The following AGR2 variants were observed in gnomAD, a reference collection of about 807,000 sequenced individuals.
AGR2 encodes anterior gradient 2, protein disulphide isomerase family member, also known as anterior gradient protein 2 homolog.
A neutral mutation model predicts 25.9 loss-of-function variants in AGR2; 27 were observed. That is an observed-to-expected ratio of 1.04 (90% CI 0.77 to 1.44). The LOEUF (loss-of-function observed/expected upper bound fraction) is 1.44. AGR2 is among the 40% of genes most tolerant of loss of function. The pLI is 0.00. For synonymous variants in AGR2, 78 were observed against 72.0 expected (o/e 1.08, Z -0.42); for missense variants, 182 against 200.9 (o/e 0.91, Z 0.57).
Position 16,801,164 on chromosome 7 carries a change from G to T in AGR2, c.243C>A (p.Cys81Ter). The stretch of plus-strand genomic sequence containing the variant: ...AGAATAAATTACCTTGACTGTGTGG[G>T]CACTCATCCAAGTGATGAATAATCA... Reference protein sequence around the residue: ...PLMIIHHLDECPHSQALKKVF... With the variant: ...PLMIIHHLDE The change falls in exon 4 of 8, where the codon TGC (cysteine) becomes TGA (stop). Residue 81 changes from cysteine (C) to a stop codon, truncating the protein, a stop_gained. Coordinates refer to ENST00000419304, the MANE Select transcript of AGR2 (RefSeq NM_006408.4). LOFTEE classifies it high-confidence loss of function. The T allele has an allele frequency of 6.2e-7, 1 of 1,613,606 alleles. No homozygotes were observed. The highest frequency in any genetic ancestry group is 8.5e-7 in the Non-Finnish European group (1 of 1,179,680).
In AGR2 at chr7:16,804,950, C is replaced by G. The variant is rs1329167868; in HGVS notation, c.-23G>C. ...GGAGCCTTACCTGGATTTCCTCACCCACCTGCCTTGTGTGAGTCGGCGGCT... is the reference window on the plus strand; with the variant it reads ...GGAGCCTTACCTGGATTTCCTCACCGACCTGCCTTGTGTGAGTCGGCGGCT... On this transcript the variant is annotated 5_prime_UTR_variant, in exon 1 of 8. Transcript: ENST00000419304. The G allele has an allele frequency of 6.6e-6, 1 of 152,392 alleles. No individual in the cohort carries two copies. The highest frequency in any genetic ancestry group is 1.5e-5 in the Non-Finnish European group (1 of 68,110). 9.4% of individuals were successfully genotyped at this position (152,392 alleles called of 1,614,324 possible).
At chr7:16,803,614 TACTC>T (rs1401266751) in intron 1 of AGR2, among the ~76,000 whole-genome samples, 1 of 152,220 alleles carries the variant, frequency 6.6e-6, no homozygotes, top group African/African-American at 2.4e-5. Flanking sequence ...CAAAATGTCT[TACTC>T]AGAAAAGATG....
chr7:16,800,785 C>A (rs1785128313), intron 4 of AGR2, among the ~76,000 whole-genome samples: 1 of 152,150 alleles, frequency 6.6e-6, no homozygotes, highest in South Asian at 2.1e-4. Context: ...CAAGTTTAAA[C>A]CAAGTTTGGG....
intron 6 of AGR2, among the ~76,000 whole-genome samples, chr7:16,797,088 AT>A (rs36079988): frequency 0.49 from 73,910 of 150,532 alleles, 18,563 homozygotes; most frequent in African/African-American, 0.62. Flanking sequence ...CGCCTGGCTA[AT>A]TTTTTTTTTG....
At chr7:16,793,865 G>A (rs1247101356) in intron 7 of AGR2, among the ~76,000 whole-genome samples, 2 of 152,174 alleles carry the variant, frequency 1.3e-5, no homozygotes, top group Non-Finnish European at 2.9e-5. Flanking sequence ...CCACTCGATA[G>A]GCATTGAACA....
chr7:16,801,061 T>C (rs542070042), intron 4 of AGR2, 90 bp downstream of exon 4: 104 of 940,314 alleles, frequency 1.1e-4, no homozygotes, highest in Admixed American at 2.6e-4. Flanking sequence ...AATGCAACTG[T>C]GGTTCTAAAG....
chr7:16,794,202 G>A (rs776323915), intron 7 of AGR2, among the ~76,000 whole-genome samples: 1 of 151,578 alleles, frequency 6.6e-6, no homozygotes, highest in South Asian at 2.1e-4. Flanking sequence ...TTGAGCACTT[G>A]GAATATGGCT....
intron 1 of AGR2, among the ~76,000 whole-genome samples, chr7:16,802,424 T>A (rs1461014757): frequency 6.6e-6 from 1 of 152,196 alleles, no homozygotes; most frequent in African/African-American, 2.4e-5. Flanking sequence ...CAGCTGAACC[T>A]ACCGTAAATG....
At chr7:16,797,924 A>G (rs1196181307) in intron 5 of AGR2, among the ~76,000 whole-genome samples, 5 of 152,230 alleles carry the variant, frequency 3.3e-5, no homozygotes, top group Non-Finnish European at 7.3e-5. Flanking sequence ...GAGCAAAAAA[A>G]TTAAGGGAGA....
At chr7:16,803,905 T>A (rs1208292718) in intron 1 of AGR2, among the ~76,000 whole-genome samples, 1 of 151,332 alleles carries the variant, frequency 6.6e-6, no homozygotes, top group South Asian at 2.1e-4. Context: ...ATTTTATCTT[T>A]TATTTATAAC....
chr7:16,803,815 G>C (rs1315940871), intron 1 of AGR2, among the ~76,000 whole-genome samples: 1 of 152,148 alleles, frequency 6.6e-6, no homozygotes, highest in African/African-American at 2.4e-5. Flanking sequence ...TTTTACATGA[G>C]AATAATTATA....
chr7:16,798,065 C>G (rs1412158583), intron 5 of AGR2, among the ~76,000 whole-genome samples: 3 of 152,158 alleles, frequency 2.0e-5, no homozygotes, highest in African/African-American at 7.2e-5. Flanking sequence ...ATTCATTTAT[C>G]CATTTATCAA....
At chr7:16,797,798 TATC>T (rs1186046980) in intron 5 of AGR2, 104 bp from the exon 6 acceptor site, 1 of 820,488 alleles carries the variant, frequency 1.2e-6, no homozygotes, top group Non-Finnish European at 2.0e-6. Context: ...CATCTCAAGA[TATC>T]ATAACTCTTC....
At position 16,797,685 on chromosome 7, in the gene AGR2, T is replaced by G; in HGVS notation, c.340A>C (p.Thr114Pro). 1 of 1,613,584 alleles carries G rather than the reference T, an allele frequency of 6.2e-7. No homozygotes were observed. Among genetic ancestry groups the G allele is most frequent in the Non-Finnish European group, 8.5e-7 (1 of 1,179,766 alleles). The change falls in exon 6 of 8, where the codon ACT (threonine) becomes CCT (proline). Residue 114 changes from threonine to proline, a missense_variant. Transcript: ENST00000419304. ...CCATCAGGAGAAAGGTGTTTGTCAGTTGTTTCATACTAAAATAAAAAGAAA... is the reference window on the plus strand; with the variant it reads ...CCATCAGGAGAAAGGTGTTTGTCAGGTGTTTCATACTAAAATAAAAAGAAA... ...FVLLNLVYET[T>P]DKHLSPDGQY...
chr7:16,798,470 C>T (rs944285935), intron 5 of AGR2, among the ~76,000 whole-genome samples: 6 of 152,044 alleles, frequency 3.9e-5, no homozygotes, highest in East Asian at 1.9e-4. Context: ...CTTCAGGGGC[C>T]GGCTTAGGAA....
At chr7:16,796,389 T>C (rs899659247) in intron 6 of AGR2, among the ~76,000 whole-genome samples, 2 of 152,242 alleles carry the variant, frequency 1.3e-5, no homozygotes, top group East Asian at 3.8e-4. Context: ...CCTATAAAAT[T>C]AGTGCTTTAG....
In AGR2 at chr7:16,804,519, A is replaced by G. The variant is rs35259073; in HGVS notation, c.-8+416T>C. On this transcript the variant is annotated intron_variant, in intron 1 of 7. Transcript: ENST00000419304. ...AAAGAAAACTGTTTTCTGATTTGCA[A>G]TAATATATTCCAAGCGGGCAATCCG... Among the ~76,000 whole-genome samples, 568 of 152,306 alleles carry G rather than the reference A, an allele frequency of 3.7e-3. 2 individuals are homozygous for G. Among genetic ancestry groups the G allele is most frequent in the Non-Finnish European group, 6.5e-3 (443 of 68,036 alleles).
intron 4 of AGR2, 27 bp downstream of exon 4, chr7:16,801,124 G>C: frequency 1.2e-6 from 2 of 1,603,222 alleles, no homozygotes; most frequent in South Asian, 2.2e-5. Context: ...GCCTATAAAG[G>C]AAATCATACT....
chr7:16,804,015 C>G (rs1785193631), intron 1 of AGR2, among the ~76,000 whole-genome samples: 1 of 152,092 alleles, frequency 6.6e-6, no homozygotes. Flanking sequence ...CTATTAGGAC[C>G]TTGCAGTATC....
Sources: gnomAD v4.1 joint callset for allele counts (sites outside exome capture counted in the v4.1 genomes callset) on GRCh38, gnomAD v4.1.1 for gene constraint, MANE v1.5 for transcripts, NCBI Gene and HGNC (gene_info 2026-07-23, HGNC 2026-07-21) for gene names.